NHERF2: variants seen among roughly 807,000 people sequenced by gnomAD.
NHERF2 encodes NHERF family PDZ scaffold protein 2.
At chr16:2,029,048 T>C in the NHERF2 span, among the ~76,000 whole-genome samples, 2 of 152,102 alleles carry the variant, frequency 1.3e-5, no homozygotes, top group Non-Finnish European at 2.9e-5. Context: ...GAGGTAGATA[T>C]AAGGCCTAGG....
chr16:2,036,219 TG>T, the NHERF2 span: 5 of 1,183,640 alleles, frequency 4.2e-6, no homozygotes, highest in Non-Finnish European at 5.9e-6. Context: ...GGCCTGCCCG[TG>T]GGGGGCACGG....
chr16:2,038,109 C>T, the NHERF2 span: 405 of 1,271,636 alleles, frequency 3.2e-4, 2 homozygotes, highest in East Asian at 7.8e-3. Flanking sequence ...AGAAATCAGC[C>T]CCAGCCCCGG....
the NHERF2 span, chr16:2,035,949 G>T: frequency 4.4e-6 from 1 of 225,890 alleles, no homozygotes. Context: ...GCCCGGGGCA[G>T]GGGGACGCAC....
At chr16:2,029,726 G>A in the NHERF2 span, 1 of 1,556,584 alleles carries the variant, frequency 6.4e-7, no homozygotes. Flanking sequence ...CGACCCCTGG[G>A]AGCCGAAGCC....
At chr16:2,035,666 C>T in the NHERF2 span, 1 of 985,788 alleles carries the variant, frequency 1.0e-6, no homozygotes, top group Non-Finnish European at 1.2e-6. Context: ...GGTCCCCTGG[C>T]CCAGAGCCCT....
At chr16:2,033,344 C>T in the NHERF2 span, 1 of 1,533,184 alleles carries the variant, frequency 6.5e-7, no homozygotes, top group Non-Finnish European at 8.7e-7. Flanking sequence ...TGTCACTGTG[C>T]CGCTGTCATG....
At chr16:2,028,774 C>T in the NHERF2 span, among the ~76,000 whole-genome samples, 1 of 152,212 alleles carries the variant, frequency 6.6e-6, no homozygotes, top group Non-Finnish European at 1.5e-5. Flanking sequence ...AGGGCTGCCC[C>T]TCTTCCTGCC....
the NHERF2 span, chr16:2,035,290 G>A: frequency 2.9e-5 from 17 of 577,410 alleles, no homozygotes; most frequent in African/African-American, 3.3e-4. Flanking sequence ...ATTGGGGTTT[G>A]GAGCGAGCTT....
At chr16:2,033,734 G>A in the NHERF2 span, among the ~76,000 whole-genome samples, 9 of 152,186 alleles carry the variant, frequency 5.9e-5, no homozygotes, top group South Asian at 2.1e-4. Flanking sequence ...GGCGGGAGGC[G>A]GCAGGAAGTG....
the NHERF2 span, chr16:2,029,656 C>T: frequency 6.4e-7 from 1 of 1,569,114 alleles, no homozygotes; most frequent in East Asian, 2.4e-5. Flanking sequence ...ATGAGGAGCT[C>T]CGCCGGCGGC....
chr16:2,035,379 A>T, the NHERF2 span: 3 of 985,394 alleles, frequency 3.0e-6, no homozygotes, highest in Non-Finnish European at 2.4e-6. Flanking sequence ...CCCCCTTGCC[A>T]TGCCGCCCCA....
At chr16:2,031,839 G>A in the NHERF2 span, among the ~76,000 whole-genome samples, 3 of 151,982 alleles carry the variant, frequency 2.0e-5, no homozygotes, top group South Asian at 4.1e-4. Flanking sequence ...TTACAGGCGC[G>A]CACCACCACA....
At chr16:2,038,149 G>A in the NHERF2 span, 1 of 799,532 alleles carries the variant, frequency 1.3e-6, no homozygotes, top group Non-Finnish European at 2.0e-6. Context: ...TGCCCACCAG[G>A]TACTGGGGGC....
At chr16:2,032,684 G>C in the NHERF2 span, 8 of 378,540 alleles carry the variant, frequency 2.1e-5, no homozygotes, top group Non-Finnish European at 2.9e-5. The surrounding 1 kb of genome is among the most constrained non-coding windows in gnomAD (Gnocchi z 4.0). Context: ...CTCCTTTTGG[G>C]GGCCGTGAAG....
At chr16:2,037,596 C>G in the NHERF2 span, 4 of 1,612,622 alleles carry the variant, frequency 2.5e-6, no homozygotes, top group Non-Finnish European at 3.4e-6. Context: ...GACAAGGACA[C>G]TGAGGTATGG....
the NHERF2 span, among the ~76,000 whole-genome samples, chr16:2,030,825 C>CA: frequency 6.6e-6 from 1 of 151,950 alleles, no homozygotes. Context: ...CCTATAGTCC[C>CA]AGCTACTTGG....
At chr16:2,036,189 G>T in the NHERF2 span, 5 of 857,898 alleles carry the variant, frequency 5.8e-6, no homozygotes, top group Admixed American at 1.2e-4. Context: ...GGTGCCCGGA[G>T]TGTTTGCCAC....
At chr16:2,028,429 C>G in the NHERF2 span, among the ~76,000 whole-genome samples, 1 of 152,208 alleles carries the variant, frequency 6.6e-6, no homozygotes, top group East Asian at 1.9e-4. Context: ...GGAACACCTG[C>G]TTTTCCAAGG....
the NHERF2 span, chr16:2,037,659 G>A: frequency 6.3e-7 from 1 of 1,584,400 alleles, no homozygotes; most frequent in African/African-American, 1.3e-5. Flanking sequence ...CTTGGGGTAG[G>A]CGTCTGTGGA....
Sources: gnomAD v4.1 joint callset for allele counts (sites outside exome capture counted in the v4.1 genomes callset) on GRCh38, gnomAD v4.1.1 for gene constraint, Gnocchi (gnomAD v3.1) non-coding constraint, MANE v1.5 for transcripts, NCBI Gene and HGNC (gene_info 2026-07-23, HGNC 2026-07-21) for gene names.